CORO2B: variants seen among roughly 807,000 people sequenced by gnomAD.
The protein encoded by CORO2B is coronin 2B, also known as coronin-2B.
A neutral mutation model predicts 58.8 loss-of-function variants in CORO2B; 26 were observed. The observed-to-expected ratio is 0.44, with a 90% confidence interval of 0.32 to 0.61. The LOEUF is 0.61. CORO2B is among the 20% of genes least tolerant of loss of function. The pLI is 0.04. For missense variants in CORO2B, 460 were observed against 645.1 expected (o/e 0.71, Z 3.11); for synonymous variants, 242 against 253.8 (o/e 0.95, Z 0.44).
Position 68,710,671 on chromosome 15 carries a change from C to T in CORO2B, c.334-61C>T, listed in dbSNP as rs1224943795. 1 of 1,458,218 alleles carries T rather than the reference C, an allele frequency of 6.9e-7. No individual in the cohort carries two copies. The highest frequency in any genetic ancestry group is 2.3e-5 in the Admixed American group (1 of 42,954). The allele number at this position is 1,458,218 out of a possible 1,614,324, so 90.3% of individuals were successfully genotyped here. A position where few individuals can be genotyped will look rare whatever the true frequency, so the allele number is the denominator to read the frequency against. On this transcript the variant is annotated intron_variant, in intron 3 of 11. Transcript: ENST00000261861. The surrounding 1 kb of genome is among the most constrained non-coding windows in gnomAD (Gnocchi z 4.1). ...GCCTGGTGTCCGAGGAAAGGGGCAC[C>T]TCTCATCAAGGGACTTCTTGGCCGT...
intron 2 of CORO2B, among the ~76,000 whole-genome samples, chr15:68,685,614 G>C (rs1902942163): frequency 6.6e-6 from 1 of 152,234 alleles, no homozygotes; most frequent in Admixed American, 6.5e-5. Flanking sequence ...CAGGAGGCAG[G>C]AGGCCCAGGC....
chr15:68,667,101 C>T (rs867904377), intron 2 of CORO2B, among the ~76,000 whole-genome samples: 1 of 152,136 alleles, frequency 6.6e-6, no homozygotes, highest in African/African-American at 2.4e-5. Context: ...CATGCTCCCC[C>T]ACCCCTACTC....
intron 1 of CORO2B, among the ~76,000 whole-genome samples, chr15:68,580,891 G>T (rs998505426): frequency 6.6e-6 from 1 of 152,142 alleles, no homozygotes; most frequent in Non-Finnish European, 1.5e-5. Flanking sequence ...CAAGGAAGGT[G>T]TGTTCAGTTC....
intron 1 of CORO2B, among the ~76,000 whole-genome samples, chr15:68,636,955 G>C (rs191612373): frequency 6.6e-6 from 1 of 152,330 alleles, no homozygotes; most frequent in Admixed American, 6.5e-5. Context: ...TCTAACTGAG[G>C]AGGAGTTTTC....
At chr15:68,632,325 T>A (rs1409561701) in intron 1 of CORO2B, 13 of 985,236 alleles carry the variant, frequency 1.3e-5, no homozygotes, top group Non-Finnish European at 1.6e-5. Context: ...TCTGGTGTCA[T>A]CCAGGAGCCC....
intron 1 of CORO2B, among the ~76,000 whole-genome samples, chr15:68,639,789 A>G (rs975594221): frequency 1.3e-5 from 2 of 151,604 alleles, no homozygotes; most frequent in Admixed American, 1.3e-4. Flanking sequence ...TTCAAAACCA[A>G]TCTTGAAAAC....
chr15:68,685,129 C>T (rs1023740080), intron 2 of CORO2B, among the ~76,000 whole-genome samples: 3 of 152,174 alleles, frequency 2.0e-5, no homozygotes, highest in Non-Finnish European at 4.4e-5. Context: ...TTTACATGCT[C>T]ATCACCTAAT....
the CORO2B span, among the ~76,000 whole-genome samples, chr15:68,529,673 A>G: frequency 1.3e-5 from 2 of 152,164 alleles, no homozygotes; most frequent in Admixed American, 6.5e-5. Context: ...TTTAAAAGTC[A>G]GCTTTTGGTT....
chr15:68,577,081 G>A (rs560460000), upstream of CORO2B, among the ~76,000 whole-genome samples: 2 of 152,272 alleles, frequency 1.3e-5, no homozygotes, highest in African/African-American at 4.8e-5. Context: ...AGATGCCTTA[G>A]GAAGGGTTTT....
chr15:68,530,679 G>C, the CORO2B span, among the ~76,000 whole-genome samples: 13 of 152,056 alleles, frequency 8.5e-5, no homozygotes, highest in African/African-American at 3.1e-4. Context: ...GTGTCTTCTT[G>C]ATAAATTGTG....
chr15:68,544,813 G>A, the CORO2B span, among the ~76,000 whole-genome samples: 2 of 145,480 alleles, frequency 1.4e-5, no homozygotes, highest in African/African-American at 5.2e-5. Context: ...CTCTCGCTCT[G>A]TCGCCCAGGC....
At chr15:68,574,480 C>A (rs537392216), upstream of CORO2B, among the ~76,000 whole-genome samples, 1 of 152,328 alleles carries the variant, frequency 6.6e-6, no homozygotes, top group South Asian at 2.1e-4. Flanking sequence ...CCTCCTCACT[C>A]TGTAGAGTAG....
At chr15:68,609,160 C>T (rs956519433) in intron 1 of CORO2B, among the ~76,000 whole-genome samples, 8 of 152,204 alleles carry the variant, frequency 5.3e-5, no homozygotes, top group Middle Eastern at 3.4e-3. Flanking sequence ...TAGGCAGATA[C>T]GCAGGGAGAG....
At chr15:68,644,231 GC>G (rs1750522417) in intron 1 of CORO2B, among the ~76,000 whole-genome samples, 1 of 152,182 alleles carries the variant, frequency 6.6e-6, no homozygotes, top group African/African-American at 2.4e-5. Flanking sequence ...TAGTGACTCA[GC>G]AATCCAGATT....
the CORO2B span, among the ~76,000 whole-genome samples, chr15:68,522,759 C>T: frequency 1.3e-5 from 2 of 152,156 alleles, no homozygotes; most frequent in African/African-American, 4.8e-5. Flanking sequence ...CTTGTTATAT[C>T]TTTTTATGAG....
At chr15:68,611,089 C>A (rs1900237767) in intron 1 of CORO2B, among the ~76,000 whole-genome samples, 1 of 152,124 alleles carries the variant, frequency 6.6e-6, no homozygotes, top group South Asian at 2.1e-4. Flanking sequence ...ATGCGCCCCA[C>A]CACTGAGCCA....
At chr15:68,601,179 C>A (rs1899972368) in intron 1 of CORO2B, among the ~76,000 whole-genome samples, 1 of 152,208 alleles carries the variant, frequency 6.6e-6, no homozygotes, top group Non-Finnish European at 1.5e-5. Context: ...CTCCTCCACA[C>A]CCTCTCCCCT....
intron 1 of CORO2B, among the ~76,000 whole-genome samples, chr15:68,588,412 A>C (rs576729566): frequency 6.6e-6 from 1 of 152,312 alleles, no homozygotes; most frequent in East Asian, 1.9e-4. Flanking sequence ...TCTGGCTATA[A>C]AAATGTGGTG....
intron 2 of CORO2B, among the ~76,000 whole-genome samples, chr15:68,683,862 A>G (rs180817802): frequency 3.9e-5 from 6 of 152,262 alleles, no homozygotes; most frequent in Admixed American, 1.3e-4. Flanking sequence ...TTGGAGGTGG[A>G]GGTGTATAAC....
Sources: gnomAD v4.1 joint callset for allele counts (sites outside exome capture counted in the v4.1 genomes callset) on GRCh38, gnomAD v4.1.1 for gene constraint, Gnocchi (gnomAD v3.1) non-coding constraint, MANE v1.5 for transcripts, NCBI Gene and HGNC (gene_info 2026-07-23, HGNC 2026-07-21) for gene names.